Variants in MYO1H observed in about 807,000 individuals in gnomAD.
MYO1H encodes the protein myosin IH.
A neutral mutation model predicts 149.3 loss-of-function variants in MYO1H; 118 were observed. The observed-to-expected ratio is 0.79, with a 90% confidence interval of 0.68 to 0.92. MYO1H has a LOEUF of 0.92. Among genes scored for constraint, MYO1H ranks in the 40% least tolerant of loss-of-function variants. The pLI is 0.00. For missense variants in MYO1H, 1,212 were observed against 1,280.7 expected (o/e 0.95, Z 0.82); for synonymous variants, 447 against 465.2 (o/e 0.96, Z 0.50).
chr12:109,319,075 G>A, the MYO1H span, among the ~76,000 whole-genome samples: 6 of 146,942 alleles, frequency 4.1e-5, no homozygotes, highest in African/African-American at 1.0e-4. Context: ...TGTTCTAAGC[G>A]TATACCCAAA....
At chr12:109,445,953 T>C in intron 31 of MYO1H, 1 of 985,428 alleles carries the variant, frequency 1.0e-6, no homozygotes, top group South Asian at 4.7e-5. Context: ...TCCCCCCACG[T>C]GGAAATCAAT....
chr12:109,388,623 A>G, intron 1 of MYO1H, 60 bp from the exon 2 acceptor site: 1 of 1,396,190 alleles, frequency 7.2e-7, no homozygotes, highest in South Asian at 1.7e-5. Context: ...TCCATGCATT[A>G]GACGTGTAAT....
intron 4 of MYO1H, 90 bp from the exon 5 acceptor site, chr12:109,397,642 C>A: frequency 2.0e-6 from 2 of 988,312 alleles, no homozygotes; most frequent in Non-Finnish European, 2.9e-6. Flanking sequence ...TCTCTCTCCT[C>A]CATTTTTGTA....
chr12:109,345,177 T>G (rs2048098851), upstream of MYO1H, among the ~76,000 whole-genome samples: 1 of 152,160 alleles, frequency 6.6e-6, no homozygotes, highest in African/African-American at 2.4e-5. Flanking sequence ...ACCTACAGAA[T>G]GAGAAAATAT....
Position 109,424,832 on chromosome 12 carries a change from A to G in MYO1H, c.1725+4A>G. 2 of 1,613,198 alleles carry G rather than the reference A, an allele frequency of 1.2e-6. No homozygotes were observed. The highest frequency in any genetic ancestry group is 2.2e-5 in the South Asian group (2 of 90,980). ...AAACCGGAGGAGGCCCCCAACAGTG[A>G]GTGGGAAAAACACCCATGCAAAATT... On this transcript the variant is annotated splice_donor_region_variant and intron_variant, in intron 17 of 31. Transcript: ENST00000310903.
At chr12:109,316,833 A>G in the MYO1H span, among the ~76,000 whole-genome samples, 4 of 152,216 alleles carry the variant, frequency 2.6e-5, no homozygotes, top group Admixed American at 2.0e-4. Flanking sequence ...CATCTTGCAT[A>G]TGTGAAATTC....
In MYO1H at chr12:109,380,365, T is replaced by A. The variant is rs113539865; in HGVS notation, c.13-8318T>A. 2.4e-3 allele frequency among the ~76,000 whole-genome samples: 367 copies of A among 151,390 alleles called. 2 individuals are homozygous for A. Among genetic ancestry groups the A allele is most frequent in the African/African-American group, 8.6e-3 (350 of 40,836 alleles). ...AAATTTAAAAATCAATCCGCTGACA[T>A]AAACGGTAAAATGAAAAAAAAATGT... is the stretch of plus-strand genomic sequence containing the variant. On this transcript the variant is annotated intron_variant, in intron 1 of 31. Coordinates refer to ENST00000310903, the Ensembl canonical transcript of MYO1H.
chr12:109,367,341 C>T (rs926197652), intron 1 of MYO1H, among the ~76,000 whole-genome samples: 2 of 152,018 alleles, frequency 1.3e-5, no homozygotes, highest in Non-Finnish European at 2.9e-5. Context: ...GATACAAAAG[C>T]CCGTCACCTG....
the MYO1H span, among the ~76,000 whole-genome samples, chr12:109,315,378 G>T: frequency 6.6e-6 from 1 of 151,872 alleles, no homozygotes; most frequent in South Asian, 2.1e-4. Flanking sequence ...ATCTAATCTG[G>T]GTCTACATTA....
At chr12:109,357,210 A>C (rs1299378334) in intron 1 of MYO1H, 1 of 152,246 alleles carries the variant, frequency 6.6e-6, no homozygotes, top group Non-Finnish European at 1.5e-5. Flanking sequence ...GTGATGTCTC[A>C]ACTCGGGTTT....
At chr12:109,376,890 C>T (rs1869097792) in intron 1 of MYO1H, among the ~76,000 whole-genome samples, 1 of 152,208 alleles carries the variant, frequency 6.6e-6, no homozygotes, top group Non-Finnish European at 1.5e-5. Context: ...TGTGGGAGAA[C>T]ATAACATCTT....
chr12:109,447,106 T>C, intron 31 of MYO1H, 53 bp from the exon 32 acceptor site: 1 of 1,558,116 alleles, frequency 6.4e-7, no homozygotes. Flanking sequence ...CTGTTTCCTT[T>C]TGCGCAAAGG....
At chr12:109,413,053 T>A (rs1181327968) in intron 14 of MYO1H, among the ~76,000 whole-genome samples, 1 of 152,120 alleles carries the variant, frequency 6.6e-6, no homozygotes, top group African/African-American at 2.4e-5. Flanking sequence ...CTCGGCTCAC[T>A]GCAACCTCCA....
chr12:109,406,078 TG>T, intron 8 of MYO1H, 43 bp downstream of exon 8: 4 of 1,443,262 alleles, frequency 2.8e-6, no homozygotes, highest in Non-Finnish European at 3.9e-6. Flanking sequence ...GGGGGATGGG[TG>T]GGAGAGAAGA....
chr12:109,370,144 ACACAG>A (rs954870079), intron 1 of MYO1H, among the ~76,000 whole-genome samples: 1 of 152,102 alleles, frequency 6.6e-6, no homozygotes, highest in African/African-American at 2.4e-5. Flanking sequence ...TTGGGTGGGG[ACACAG>A]CCAAACCATA....
At chr12:109,321,219 T>C in the MYO1H span, among the ~76,000 whole-genome samples, 1 of 152,048 alleles carries the variant, frequency 6.6e-6, no homozygotes, top group African/African-American at 2.4e-5. Flanking sequence ...TTGCAATGTC[T>C]AAACCAGCCA....
intron 19 of MYO1H, among the ~76,000 whole-genome samples, chr12:109,427,810 C>T (rs1241203681): frequency 2.3e-5 from 3 of 131,552 alleles, no homozygotes; most frequent in Admixed American, 8.5e-5. Context: ...TTTGGGAGGC[C>T]GAGGTGGGAG....
chr12:109,373,233 C>T (rs1330111252), intron 1 of MYO1H, among the ~76,000 whole-genome samples: 1 of 152,036 alleles, frequency 6.6e-6, no homozygotes, highest in East Asian at 1.9e-4. Flanking sequence ...TTGGCCAGTA[C>T]TTCGAATTAG....
chr12:109,410,851 G>A (rs1221005596), intron 13 of MYO1H, 83 bp downstream of exon 13: 2 of 972,548 alleles, frequency 2.1e-6, no homozygotes, highest in Admixed American at 2.2e-5. Flanking sequence ...CTTAAAAAGG[G>A]TTGAGCCAGG....
Sources: gnomAD v4.1 joint callset for allele counts (sites outside exome capture counted in the v4.1 genomes callset) on GRCh38, gnomAD v4.1.1 for gene constraint, MANE v1.5 for transcripts, NCBI Gene and HGNC (gene_info 2026-07-23, HGNC 2026-07-21) for gene names.